ZNF148: variants seen among roughly 807,000 people sequenced by gnomAD.
ZNF148 encodes the protein zinc finger protein 148.
Under a neutral mutation model 67.7 loss-of-function variants are expected in ZNF148, and 7 were observed. The ratio of observed to expected loss-of-function variants is 0.10; its 90% CI spans 0.06 to 0.19. ZNF148 has a LOEUF of 0.19. ZNF148 is among the 10% of genes least tolerant of loss of function. The pLI is 1.00. For synonymous variants in ZNF148, 333 were observed against 330.7 expected, an observed-to-expected ratio of 1.01 and a Z score of -0.08; for missense variants, 583 against 947.1, an observed-to-expected ratio of 0.62 and a Z score of 5.05.
At chr3:125,312,877 C>T (rs541278832) in intron 4 of ZNF148, among the ~76,000 whole-genome samples, 8 of 151,794 alleles carry the variant, frequency 5.3e-5, no homozygotes, top group Admixed American at 3.3e-4. Context: ...ATCAAGCAAG[C>T]GGAGGATACA....
intron 7 of ZNF148, among the ~76,000 whole-genome samples, chr3:125,236,584 G>A (rs1936103068): frequency 6.6e-6 from 1 of 152,168 alleles, no homozygotes; most frequent in Non-Finnish European, 1.5e-5. Flanking sequence ...ACTATAAAAT[G>A]TGCAGGAGAA....
At chr3:125,251,227 T>A (rs1228584138) in intron 7 of ZNF148, among the ~76,000 whole-genome samples, 1 of 152,218 alleles carries the variant, frequency 6.6e-6, no homozygotes, top group Non-Finnish European at 1.5e-5. Flanking sequence ...GATCAGCATG[T>A]CTAACTTCTC....
intron 4 of ZNF148, among the ~76,000 whole-genome samples, chr3:125,296,190 C>T (rs892379623): frequency 1.5e-4 from 22 of 151,206 alleles, no homozygotes; most frequent in African/African-American, 5.3e-4. Flanking sequence ...GGTGCAATCT[C>T]GCCTCACTGC....
At chr3:125,256,967 G>GTTTT (rs10576530) in intron 7 of ZNF148, among the ~76,000 whole-genome samples, 4 of 108,130 alleles carry the variant, frequency 3.7e-5, no homozygotes, top group African/African-American at 1.5e-4. Context: ...AGAACTTCCA[G>GTTTT]TTTTTTTTTT....
chr3:125,305,239 T>A (rs868289726), intron 4 of ZNF148, among the ~76,000 whole-genome samples: 1 of 152,176 alleles, frequency 6.6e-6, no homozygotes, highest in African/African-American at 2.4e-5. Flanking sequence ...GCATTATTTG[T>A]ACAATATTCC....
intron 4 of ZNF148, among the ~76,000 whole-genome samples, chr3:125,304,796 G>T (rs1939783921): frequency 6.6e-6 from 1 of 152,158 alleles, no homozygotes; most frequent in African/African-American, 2.4e-5. Context: ...GCAAGGAGCA[G>T]CATGTTCAGC....
intron 1 of ZNF148, among the ~76,000 whole-genome samples, chr3:125,332,998 CA>C (rs1416417524): frequency 1.3e-5 from 2 of 151,948 alleles, no homozygotes; most frequent in African/African-American, 4.8e-5. Flanking sequence ...AGCCTATAGA[CA>C]GGGAAAAAAA....
At chr3:125,288,705 T>C (rs958278312) in intron 4 of ZNF148, among the ~76,000 whole-genome samples, 1 of 152,126 alleles carries the variant, frequency 6.6e-6, no homozygotes, top group African/African-American at 2.4e-5. Context: ...AAAAGATAAT[T>C]TGTCAAAAGA....
intron 1 of ZNF148, among the ~76,000 whole-genome samples, chr3:125,333,625 G>A (rs898305278): frequency 6.6e-6 from 1 of 152,188 alleles, no homozygotes; most frequent in South Asian, 2.1e-4. Context: ...ACCCAAGTCA[G>A]TTCAGATCTT....
intron 1 of ZNF148, among the ~76,000 whole-genome samples, chr3:125,353,429 G>C (rs959115023): frequency 6.6e-6 from 1 of 151,994 alleles, no homozygotes; most frequent in Non-Finnish European, 1.5e-5. Flanking sequence ...ACAAAAATAA[G>C]TGCAGGTTTA....
At chr3:125,323,668 G>A (rs138972363) in intron 2 of ZNF148, among the ~76,000 whole-genome samples, 1 of 152,184 alleles carries the variant, frequency 6.6e-6, no homozygotes, top group East Asian at 1.9e-4. Context: ...GCCTTATAAA[G>A]AACAATTGCC....
At chr3:125,362,489 A>T (rs918285532) in intron 1 of ZNF148, among the ~76,000 whole-genome samples, 4 of 152,136 alleles carry the variant, frequency 2.6e-5, no homozygotes, top group Non-Finnish European at 4.4e-5. Context: ...AAAAAAACAA[A>T]AACTAAAAAA....
At chr3:125,317,509 A>C (rs7642600) in intron 3 of ZNF148, among the ~76,000 whole-genome samples, 116,480 of 151,178 alleles carry the variant, frequency 0.77, 45,423 homozygotes, top group African/African-American at 0.85. Flanking sequence ...TGACTTGTTA[A>C]ATTAATTATG....
chr3:125,344,653 A>G, intron 1 of ZNF148: 1 of 680,566 alleles, frequency 1.5e-6, no homozygotes, highest in Non-Finnish European at 2.7e-6. Flanking sequence ...CACATGCCTC[A>G]GCCACTTGTT....
chr3:125,339,846 T>C (rs1941641930), intron 1 of ZNF148, among the ~76,000 whole-genome samples: 1 of 152,156 alleles, frequency 6.6e-6, no homozygotes, highest in African/African-American at 2.4e-5. Flanking sequence ...CATAATTATA[T>C]ACCATTATTT....
intron 1 of ZNF148, among the ~76,000 whole-genome samples, chr3:125,333,218 A>G (rs1159303238): frequency 6.6e-6 from 1 of 152,222 alleles, no homozygotes; most frequent in East Asian, 1.9e-4. Context: ...TGAAAGCACT[A>G]AATTACTGCA....
chr3:125,334,922 A>G (rs1941429776), intron 1 of ZNF148, among the ~76,000 whole-genome samples: 1 of 152,136 alleles, frequency 6.6e-6, no homozygotes, highest in Non-Finnish European at 1.5e-5. Context: ...AGCAGAATCT[A>G]CTGCACTGGC....
intron 6 of ZNF148, among the ~76,000 whole-genome samples, chr3:125,278,596 T>C (rs1938200130): frequency 6.6e-6 from 1 of 152,108 alleles, no homozygotes; most frequent in Admixed American, 6.5e-5. Context: ...CTGCTTGGAA[T>C]TCTATCTTCT....
rs1938803874 is a variant in ZNF148 at position 125,288,147 on chromosome 3, C to T, written c.415G>A (p.Asp139Asn). The change falls in exon 5 of 9, where the codon GAC becomes AAC. Residue 139 changes from aspartate (D) to asparagine (N), a missense_variant. Physicochemically the swap from Asp to Asn is conservative, Grantham distance 23. This residue lies in a region of ZNF148 where 150 missense variants were observed against 202.5 expected (regional missense o/e 0.74). Transcript: ENST00000360647. Reference protein sequence around the residue: ...RDKKQIREPVDLQKKKKRKQR... With the variant: ...RDKKQIREPVNLQKKKKRKQR... Reference sequence around the variant, plus strand: ...TTCCGCTTCTTCTTTTTCTGTAAGTCTACTGGCTCTCTGATTTGTTTTTTG... The same window carrying T: ...TTCCGCTTCTTCTTTTTCTGTAAGTTTACTGGCTCTCTGATTTGTTTTTTG... 2 of 1,613,752 alleles carry T rather than the reference C, an allele frequency of 1.2e-6. No homozygotes were observed. The highest frequency in any genetic ancestry group is 1.7e-6 in the Non-Finnish European group (2 of 1,179,888).
Sources: gnomAD v4.1 joint callset for allele counts (sites outside exome capture counted in the v4.1 genomes callset) on GRCh38, gnomAD v4.1.1 for gene constraint, gnomAD v4.1.1 regional missense constraint, MANE v1.5 for transcripts, NCBI Gene and HGNC (gene_info 2026-07-23, HGNC 2026-07-21) for gene names.